The following OXR1 variants were observed in gnomAD, a reference collection of about 807,000 sequenced individuals.
OXR1 encodes oxidation resistance protein 1.
A neutral mutation model predicts 104.6 loss-of-function variants in OXR1; 41 were observed. The observed-to-expected ratio is 0.39, with a 90% CI of 0.31 to 0.51. The LOEUF (loss-of-function observed/expected upper bound fraction) is 0.51. OXR1 is among the 20% of genes least tolerant of loss of function. OXR1 has a pLI of 0.77. For synonymous variants in OXR1, 348 were observed against 348.4 expected (o/e 1.00, Z 0.01); for missense variants, 955 against 1,031.9 (o/e 0.93, Z 1.02).
In OXR1 at chr8:106,291,114, TA is replaced by T. The variant is rs566355125; in HGVS notation, c.-139+20754del. Among the ~76,000 whole-genome samples, 935 of 152,166 alleles carry T rather than the reference TA, an allele frequency of 6.1e-3. 4 individuals carry two copies. Among genetic ancestry groups the T allele is most frequent in the Admixed American group, 9.6e-3 (146 of 15,280 alleles). On this transcript the variant is annotated intron_variant, in intron 1 of 16. Transcript: ENST00000517566. ...TACATCATGGAATACTATGCAGCCA[TA>T]AAAAAATGGAATTATGTCCTTTACA...
intron 1 of OXR1, among the ~76,000 whole-genome samples, chr8:106,340,231 A>C (rs1166319067): frequency 6.6e-6 from 1 of 152,074 alleles, no homozygotes; most frequent in Non-Finnish European, 1.5e-5. Context: ...AAAAAAAAAA[A>C]AAAACCTTCT....
chr8:106,441,314 A>G (rs1457897138), intron 2 of OXR1, among the ~76,000 whole-genome samples: 1 of 152,148 alleles, frequency 6.6e-6, no homozygotes, highest in Non-Finnish European at 1.5e-5. Flanking sequence ...TATTTTGGTT[A>G]CTGTAGCCTT....
intron 3 of OXR1, among the ~76,000 whole-genome samples, chr8:106,662,058 G>A (rs1825818057): frequency 6.6e-6 from 1 of 152,210 alleles, no homozygotes; most frequent in Admixed American, 6.5e-5. Context: ...AGTAGTAGCA[G>A]CAGTGATGGA....
At chr8:106,308,987 G>GT (rs200198130) in intron 1 of OXR1, among the ~76,000 whole-genome samples, 31,780 of 140,678 alleles carry the variant, frequency 0.23, 4,839 homozygotes, top group African/African-American at 0.45. Flanking sequence ...TTTTTTTTTT[G>GT]TTTTTTTTTG....
At chr8:106,642,612 A>T (rs1823746268) in intron 3 of OXR1, among the ~76,000 whole-genome samples, 1 of 152,236 alleles carries the variant, frequency 6.6e-6, no homozygotes, top group South Asian at 2.1e-4. Context: ...TGGCTAAAAA[A>T]TAATCACTTG....
At chr8:106,687,178 G>C (rs953313172) in intron 6 of OXR1, among the ~76,000 whole-genome samples, 8 of 152,112 alleles carry the variant, frequency 5.3e-5, no homozygotes, top group African/African-American at 1.9e-4. Flanking sequence ...GAAGGAAAGA[G>C]AGAATAAGAT....
At chr8:106,351,884 A>T (rs1167670854) in intron 1 of OXR1, among the ~76,000 whole-genome samples, 1 of 152,226 alleles carries the variant, frequency 6.6e-6, no homozygotes, top group Non-Finnish European at 1.5e-5. Context: ...TACATCTAAT[A>T]TTCCTATTTT....
chr8:106,627,546 CTTAATGATGATGACATCATCAACA>C (rs145709376), intron 3 of OXR1, among the ~76,000 whole-genome samples: 9,001 of 152,156 alleles, frequency 0.059, 369 homozygotes, highest in Non-Finnish European at 0.089. Context: ...AATGTAGTGG[CTTAATGATGATGACATCATCAACA>C]TATGAAGATG....
Position 106,692,940 on chromosome 8 carries a change from G to A in OXR1, c.675+63G>A, listed in dbSNP as rs143934658. 365 of 1,182,044 alleles carry A rather than the reference G, an allele frequency of 3.1e-4. 3 individuals carry two copies. In the East Asian group the frequency reaches 8.8e-3, roughly 29 times the overall value. 73.2% of individuals were successfully genotyped at this position (1,182,044 alleles called of 1,614,324 possible). The stretch of plus-strand genomic sequence containing the variant: ...CTTTAGTTATTACTAATGTATGATA[G>A]TTTGGCATTTACATTTTAAGTCATC... On this transcript the variant is annotated intron_variant, in intron 7 of 16. Coordinates refer to ENST00000517566, the MANE Select transcript of OXR1 (RefSeq NM_001198533.2).
intron 3 of OXR1, among the ~76,000 whole-genome samples, chr8:106,603,422 G>A (rs1180035123): frequency 6.6e-6 from 1 of 151,980 alleles, no homozygotes; most frequent in Non-Finnish European, 1.5e-5. Flanking sequence ...TTTTCATCTG[G>A]CTTTTCTGTA....
intron 3 of OXR1, among the ~76,000 whole-genome samples, chr8:106,660,465 A>T (rs1825646580): frequency 6.6e-6 from 1 of 152,148 alleles, no homozygotes; most frequent in Non-Finnish European, 1.5e-5. Context: ...CCTGTGTATT[A>T]TAGGAGTATT....
chr8:106,657,759 T>C (rs1825262124), intron 3 of OXR1: 4 of 1,061,588 alleles, frequency 3.8e-6, no homozygotes, highest in Non-Finnish European at 4.8e-6. Flanking sequence ...AAGAAAAACT[T>C]TTCGAAAACT....
intron 3 of OXR1, among the ~76,000 whole-genome samples, chr8:106,567,173 C>A (rs927202814): frequency 1.3e-5 from 2 of 152,098 alleles, no homozygotes; most frequent in Admixed American, 1.3e-4. Flanking sequence ...ATTTTGTTTT[C>A]AAACTTGGTG....
chr8:106,552,964 TTA>T (rs1815968547), intron 3 of OXR1, among the ~76,000 whole-genome samples: 2 of 152,200 alleles, frequency 1.3e-5, no homozygotes, highest in African/African-American at 4.8e-5. Context: ...AAAGACTGTT[TTA>T]TTCTCCTTCT....
chr8:106,423,730 A>C (rs1818994964), intron 2 of OXR1, among the ~76,000 whole-genome samples: 1 of 152,212 alleles, frequency 6.6e-6, no homozygotes, highest in South Asian at 2.1e-4. Context: ...GATGAAGACA[A>C]AATGAAAAAC....
At chr8:106,555,939 T>TATATATATAC (rs1554593255) in intron 3 of OXR1, among the ~76,000 whole-genome samples, 7 of 90,810 alleles carry the variant, frequency 7.7e-5, no homozygotes, top group South Asian at 4.7e-4. Context: ...TACATATATA[T>TATATATATAC]ATATATATAC....
intron 2 of OXR1, among the ~76,000 whole-genome samples, chr8:106,437,516 T>G (rs1156468856): frequency 1.3e-5 from 2 of 152,132 alleles, no homozygotes; most frequent in Non-Finnish European, 2.9e-5. Flanking sequence ...TGACCTCTGA[T>G]TTAGAGGACA....
chr8:106,327,911 G>C (rs1255680131), intron 1 of OXR1, among the ~76,000 whole-genome samples: 2 of 152,170 alleles, frequency 1.3e-5, no homozygotes, highest in Non-Finnish European at 2.9e-5. Context: ...CCTTGCATTA[G>C]TCATCAGGAC....
intron 2 of OXR1, among the ~76,000 whole-genome samples, chr8:106,442,168 T>A (rs1170293169): frequency 6.6e-6 from 1 of 152,218 alleles, no homozygotes; most frequent in Non-Finnish European, 1.5e-5. Flanking sequence ...TCTATTGAGA[T>A]AATCATGTGA....
Sources: allele counts gnomAD v4.1 joint callset (sites outside exome capture counted in the v4.1 genomes callset), GRCh38; gene constraint gnomAD v4.1.1; transcripts MANE v1.5; gene names NCBI Gene and HGNC (gene_info 2026-07-23, HGNC 2026-07-21).